Variants in CYP2C19 observed in about 807,000 individuals in gnomAD.
CYP2C19 encodes the protein cytochrome P450 2C19.
In CYP2C19, 59 loss-of-function variants were observed where a neutral mutation model predicts 40.9. That is an observed-to-expected ratio of 1.44 (90% confidence interval 1.17 to 1.79). CYP2C19 has a LOEUF of 1.79. Among genes scored for constraint, CYP2C19 ranks in the 40% most tolerant of loss-of-function variants. The pLI is 0.00. For missense variants in CYP2C19, 754 were observed against 596.9 expected, an observed-to-expected ratio of 1.26 and a Z score of -2.74; for synonymous variants, 253 against 208.7, an observed-to-expected ratio of 1.21 and a Z score of -1.83.
At chr10:94,830,007 C>A (rs550494546) in intron 6 of CYP2C19, among the ~76,000 whole-genome samples, 1 of 152,206 alleles carries the variant, frequency 6.6e-6, no homozygotes, top group African/African-American at 2.4e-5. Flanking sequence ...AGGCAGTCTG[C>A]GCATTCTCAG....
At chr10:94,764,096 C>G (rs1848210196) in intron 1 of CYP2C19, among the ~76,000 whole-genome samples, 1 of 152,012 alleles carries the variant, frequency 6.6e-6, no homozygotes, top group African/African-American at 2.4e-5. Flanking sequence ...AGTGTTATAG[C>G]TCATAAAGGT....
chr10:94,851,823 A>G (rs759026073), intron 8 of CYP2C19, among the ~76,000 whole-genome samples: 28 of 152,200 alleles, frequency 1.8e-4, no homozygotes, highest in Non-Finnish European at 3.1e-4. Context: ...TCACTTTAGT[A>G]ATGTTGCACT....
rs570276301 is a variant in CYP2C19 at position 94,779,119 on chromosome 10, T to TG, written c.482-1374dup. Among the ~76,000 whole-genome samples the TG allele has an allele frequency of 3.3e-5, 5 of 151,802 alleles. No homozygotes were observed. In the South Asian group the frequency reaches 8.3e-4, roughly 25 times the overall value. On this transcript the variant is annotated intron_variant, in intron 3 of 8. Transcript: ENST00000371321. ...CACACACCAGGGCCTGTTGAGGGGT[T>TG]GGGGGGCAAGGGGAGGGAAAGCATT...
intron 1 of CYP2C19, among the ~76,000 whole-genome samples, chr10:94,769,957 C>G (rs183613750): frequency 7.9e-5 from 12 of 152,228 alleles, no homozygotes; most frequent in African/African-American, 2.9e-4. Flanking sequence ...ACAAGAAAGG[C>G]ATGTGAAAAG....
intron 5 of CYP2C19, among the ~76,000 whole-genome samples, chr10:94,808,695 T>G (rs1467934344): frequency 6.6e-6 from 1 of 152,188 alleles, no homozygotes; most frequent in Non-Finnish European, 1.5e-5. Flanking sequence ...TGTTTGTCTT[T>G]CTGTTCCTGG....
At chr10:94,793,479 A>G (rs987729541) in intron 5 of CYP2C19, among the ~76,000 whole-genome samples, 2 of 152,104 alleles carry the variant, frequency 1.3e-5, no homozygotes, top group Non-Finnish European at 2.9e-5. Context: ...CGTTACTCCC[A>G]TCTTTGTGGT....
chr10:94,780,579 G>A lies in CYP2C19; in HGVS notation c.562G>A (p.Asp188Asn), dbSNP rs370803989. The change falls in exon 4 of 9, where the codon GAT (aspartate) becomes AAT (asparagine). Residue 188 changes from aspartate (D) to asparagine (N), a missense_variant. Transcript: ENST00000371321. ...CTCCATTATTTTCCAGAAACGTTTC[G>A]ATTATAAAGATCAGCAATTTCTTAA... ...ICSIIFQKRF[D>N]YKDQQFLNLM... 5.6e-5 allele frequency: 91 copies of A among 1,613,640 alleles called. No individual in the cohort carries two copies. The highest frequency in any genetic ancestry group is 7.7e-5 in the South Asian group (7 of 91,082).
intron 7 of CYP2C19, 148 bp from the exon 8 acceptor site, chr10:94,849,769 C>A: frequency 1.0e-6 from 1 of 965,232 alleles, no homozygotes; most frequent in South Asian, 1.5e-5. Context: ...CTTATTACTT[C>A]GTCTATCTGT....
At chr10:94,839,316 C>T (rs1267661885) in intron 6 of CYP2C19, among the ~76,000 whole-genome samples, 2 of 151,574 alleles carry the variant, frequency 1.3e-5, no homozygotes. Flanking sequence ...CCTTTCCAGG[C>T]TGTATAACCA....
In CYP2C19 at chr10:94,799,981, C is replaced by T. The variant is rs547799159; in HGVS notation, c.819+17984C>T. On this transcript the variant is annotated intron_variant, in intron 5 of 8. Transcript: ENST00000371321. ...TTAGCTTGGAGAAGTTTGTTATTACCGACATTCTGAAGCCTACTTCTGTCA... is the reference window on the plus strand; with the variant it reads ...TTAGCTTGGAGAAGTTTGTTATTACTGACATTCTGAAGCCTACTTCTGTCA... Among the ~76,000 whole-genome samples, 6 of 152,046 alleles carry T rather than the reference C, an allele frequency of 3.9e-5. No individual in the cohort carries two copies. The East Asian group carries it at 5.8e-4, about 15-fold the overall frequency.
chr10:94,820,954 C>T (rs1464950058), intron 6 of CYP2C19, among the ~76,000 whole-genome samples: 5 of 152,068 alleles, frequency 3.3e-5, no homozygotes, highest in Admixed American at 3.3e-4. Context: ...CATTGTGGCA[C>T]ACCACTGTAA....
intron 5 of CYP2C19, among the ~76,000 whole-genome samples, chr10:94,790,967 G>C (rs911251248): frequency 6.6e-6 from 1 of 152,074 alleles, no homozygotes; most frequent in Non-Finnish European, 1.5e-5. Flanking sequence ...TGTACCTCTG[G>C]TGGAATTCAG....
chr10:94,845,672 CT>C (rs1481765031), intron 7 of CYP2C19, among the ~76,000 whole-genome samples: 3 of 152,048 alleles, frequency 2.0e-5, no homozygotes, highest in Non-Finnish European at 2.9e-5. Flanking sequence ...AATGGTCGTG[CT>C]TCAATGTCTA....
intron 7 of CYP2C19, among the ~76,000 whole-genome samples, chr10:94,844,449 C>T (rs879503808): frequency 2.9e-5 from 4 of 136,400 alleles, no homozygotes; most frequent in Non-Finnish European, 6.7e-5. Context: ...CAATTTTTGT[C>T]TTGGCAGCTT....
chr10:94,811,172 T>G (rs1247711898), intron 5 of CYP2C19, among the ~76,000 whole-genome samples: 1 of 152,224 alleles, frequency 6.6e-6, no homozygotes, highest in Non-Finnish European at 1.5e-5. Flanking sequence ...TTGTTCAGTT[T>G]CCATGTAGTT....
Position 94,806,027 on chromosome 10 carries a change from AC to A in CYP2C19, c.820-14464del, listed in dbSNP as rs144540211. ...GTGACAAGAAATGTTGTAGAACCCC[AC>A]CCCCACCTCAAATGATAACTGTACA... On this transcript the variant is annotated intron_variant, in intron 5 of 8. Transcript: ENST00000371321. Among the ~76,000 whole-genome samples, 685 of 120,852 alleles carry A rather than the reference AC, an allele frequency of 5.7e-3. 7 individuals carry two copies. Among genetic ancestry groups the A allele is most frequent in the African/African-American group, 0.02 (636 of 31,956 alleles). The allele number at this position is 120,852 out of a possible 152,430, so 79.3% of individuals were successfully genotyped here. A position where few individuals can be genotyped will look rare whatever the true frequency, so the allele number is the denominator to read the frequency against.
At chr10:94,763,530 T>C (rs1848201382) in intron 1 of CYP2C19, among the ~76,000 whole-genome samples, 1 of 152,160 alleles carries the variant, frequency 6.6e-6, no homozygotes, top group African/African-American at 2.4e-5. Flanking sequence ...ACAGTGTTAA[T>C]ATGATATGTG....
Position 94,820,347 on chromosome 10 carries a change from C to G in CYP2C19, c.820-149C>G, listed in dbSNP as rs912997402. On this transcript the variant is annotated intron_variant, in intron 5 of 8. Coordinates refer to ENST00000371321, the MANE Select transcript of CYP2C19 (RefSeq NM_000769.4). ...AACTGGCACAAGACAGGGATGCCCT[C>G]TCTCACCGCTCCTATTCAATATTTT... The G allele has an allele frequency of 2.5e-5, 22 of 870,908 alleles. No homozygotes were observed. In the Admixed American group the frequency reaches 3.3e-4, roughly 13 times the overall value. 53.9% of individuals were successfully genotyped at this position (870,908 alleles called of 1,614,324 possible).
rs776992052 is a variant in CYP2C19 at position 94,762,782 on chromosome 10, G to C, written c.77G>C (p.Arg26Thr). 2 of 1,613,880 alleles carry C rather than the reference G, an allele frequency of 1.2e-6. No homozygotes were observed. The highest frequency in any genetic ancestry group is 1.1e-5 in the South Asian group (1 of 91,072). The change falls in exon 1 of 9, where the codon AGA (arginine) becomes ACA (threonine). Residue 26 changes from arginine to threonine, a missense_variant. Physicochemically the swap from Arg to Thr is moderately conservative, Grantham distance 71. Transcript: ENST00000371321. ...TCAATCTGGAGACAGAGCTCTGGGAGAGGAAAACTCCCTCCTGGCCCCACT... is the reference window on the plus strand; with the variant it reads ...TCAATCTGGAGACAGAGCTCTGGGACAGGAAAACTCCCTCCTGGCCCCACT... ...LLSIWRQSSG[R>T]GKLPPGPTPL... is the part of the protein sequence containing the mutation.
Sources: gnomAD v4.1 joint callset for allele counts (sites outside exome capture counted in the v4.1 genomes callset) on GRCh38, gnomAD v4.1.1 for gene constraint, MANE v1.5 for transcripts, NCBI Gene and HGNC (gene_info 2026-07-23, HGNC 2026-07-21) for gene names.